Variants in OGDH observed in about 807,000 individuals in gnomAD.
OGDH encodes oxoglutarate dehydrogenase.
In OGDH, 38 loss-of-function variants were observed where a neutral mutation model predicts 116.6. That is an observed-to-expected ratio of 0.33 (90% CI 0.25 to 0.43). The LOEUF is 0.43. OGDH is among the 20% of genes least tolerant of loss of function. OGDH has a pLI of 1.00. For synonymous variants in OGDH, 488 were observed against 533.3 expected (o/e 0.92, Z 1.17); for missense variants, 825 against 1,357.2 (o/e 0.61, Z 6.16).
At chr7:44,675,608 T>C (rs1787656302) in intron 8 of OGDH, among the ~76,000 whole-genome samples, 1 of 152,156 alleles carries the variant, frequency 6.6e-6, no homozygotes, top group African/African-American at 2.4e-5. Flanking sequence ...CTGGGCATGG[T>C]GGCTCACATC....
Position 44,696,043 on chromosome 7 carries a change from G to C in OGDH, c.1687G>C (p.Asp563His). 1 of 1,610,396 alleles carries C rather than the reference G, an allele frequency of 6.2e-7. No individual in the cohort carries two copies. Among genetic ancestry groups the C allele is most frequent in the Non-Finnish European group, 8.5e-7 (1 of 1,176,694 alleles). ...CCTCCAGGAGGAAATTTCCAAGTAT[G>C]ATAAGATCTGTGAGGAAGCTTTTGC... The part of the protein sequence containing the change: ...PEYEEEISKY[D>H]KICEEAFARS... Residue 563 changes from aspartate to histidine, a missense_variant, in exon 13 of 23, where the codon GAT becomes CAT. Physicochemically the swap from Asp to His is moderately conservative, Grantham distance 81. This residue lies in a region of OGDH where 146 missense variants were observed against 317.3 expected (regional missense o/e 0.46). Coordinates refer to ENST00000222673, the MANE Select transcript of OGDH (RefSeq NM_002541.4).
At chr7:44,647,612 G>A (rs1444017350) in intron 3 of OGDH, 45 bp from the exon 4 acceptor site, 2 of 1,570,834 alleles carry the variant, frequency 1.3e-6, no homozygotes, top group African/African-American at 1.4e-5. Flanking sequence ...TTTTTCTTCT[G>A]TCCTTTTGTG....
intron 2 of OGDH, among the ~76,000 whole-genome samples, chr7:44,626,698 G>A (rs1785221664): frequency 6.6e-6 from 1 of 152,194 alleles, no homozygotes; most frequent in South Asian, 2.1e-4. Flanking sequence ...TGCTCCTGCT[G>A]GAAGCTTTTG....
intron 10 of OGDH, among the ~76,000 whole-genome samples, chr7:44,685,083 G>A (rs1788073312): frequency 6.6e-6 from 1 of 152,012 alleles, no homozygotes; most frequent in African/African-American, 2.4e-5. Context: ...ACCGCTCCTG[G>A]CCTTTTTTCT....
chr7:44,671,485 CGGGCGCGGT>C (rs971417377), intron 5 of OGDH, among the ~76,000 whole-genome samples: 8 of 152,148 alleles, frequency 5.3e-5, no homozygotes, highest in Non-Finnish European at 8.8e-5. Flanking sequence ...CTTAAATAGC[CGGGCGCGGT>C]GGCTCACGCC....
chr7:44,642,020 C>CT (rs1279265733), intron 2 of OGDH, among the ~76,000 whole-genome samples: 5 of 152,170 alleles, frequency 3.3e-5, no homozygotes, highest in Non-Finnish European at 7.4e-5. Flanking sequence ...GAGGAGAACA[C>CT]TGAGTTTTCA....
At chr7:44,683,392 C>A (rs1485674702) in intron 10 of OGDH, among the ~76,000 whole-genome samples, 1 of 151,972 alleles carries the variant, frequency 6.6e-6, no homozygotes, top group African/African-American at 2.4e-5. Context: ...CCACTCCTGA[C>A]TAATTTTTTT....
intron 2 of OGDH, among the ~76,000 whole-genome samples, chr7:44,627,961 G>C (rs1052634036): frequency 1.3e-5 from 2 of 152,212 alleles, no homozygotes; most frequent in Non-Finnish European, 2.9e-5. Flanking sequence ...ACAGGCGTGA[G>C]CCACTGCACC....
intron 8 of OGDH, 86 bp from the exon 9 acceptor site, chr7:44,675,884 A>G: frequency 1.3e-6 from 2 of 1,484,008 alleles, no homozygotes; most frequent in Non-Finnish European, 1.8e-6. Flanking sequence ...TCTCAAAAAA[A>G]AAAAAAAAAT....
intron 1 of OGDH, among the ~76,000 whole-genome samples, chr7:44,616,815 ACG>A (rs1402028248): frequency 2.2e-4 from 31 of 140,060 alleles, no homozygotes; most frequent in Middle Eastern, 3.6e-3. Context: ...ATGCATATAT[ACG>A]TATATATGTG....
chr7:44,617,052 C>T (rs921141625), intron 1 of OGDH, among the ~76,000 whole-genome samples: 4 of 149,394 alleles, frequency 2.7e-5, no homozygotes, highest in African/African-American at 4.9e-5. Context: ...CTGCCTCAGC[C>T]TCCCAAGTAG....
Position 44,673,866 on chromosome 7 carries a change from T to C in OGDH, c.713T>C (p.Phe238Ser). The change falls in exon 6 of 23, where the codon TTT (phenylalanine) becomes TCT (serine). Residue 238 changes from phenylalanine to serine, a missense_variant. This residue lies in a region of OGDH where 171 missense variants were observed against 276.8 expected (regional missense o/e 0.62). Coordinates refer to ENST00000222673, the MANE Select transcript of OGDH (RefSeq NM_002541.4). ...LEQCQWIRQK[F>S]ETPGIMQFTN... ...CAGTGCCAGTGGATCCGGCAGAAGT[T>C]TGAGACCCCTGGGATCATGCAGTTC... 6.2e-7 allele frequency: 1 copy of C among 1,614,220 alleles called. No homozygotes were observed.
chr7:44,648,478 G>T (rs1786290944), intron 4 of OGDH, among the ~76,000 whole-genome samples: 1 of 152,144 alleles, frequency 6.6e-6, no homozygotes, highest in South Asian at 2.1e-4. Flanking sequence ...ATGTCACTGT[G>T]CTGCTAACCT....
intron 5 of OGDH, among the ~76,000 whole-genome samples, chr7:44,667,993 G>A (rs1787258902): frequency 6.6e-6 from 1 of 152,190 alleles, no homozygotes; most frequent in African/African-American, 2.4e-5. Context: ...CACCTGGAGA[G>A]CTTACAGAAC....
intron 2 of OGDH, among the ~76,000 whole-genome samples, chr7:44,644,897 T>C (rs1324581230): frequency 6.6e-6 from 1 of 152,150 alleles, no homozygotes; most frequent in Non-Finnish European, 1.5e-5. Flanking sequence ...TTTGCAGACC[T>C]ATAGACAGAA....
chr7:44,678,738 C>G (rs1787804194), intron 9 of OGDH, among the ~76,000 whole-genome samples: 1 of 152,208 alleles, frequency 6.6e-6, no homozygotes, highest in Admixed American at 6.5e-5. Flanking sequence ...TCATTGCAGG[C>G]TCAGCCATCT....
chr7:44,674,590 C>T (rs747669485), intron 7 of OGDH, 33 bp downstream of exon 7: 5 of 1,612,400 alleles, frequency 3.1e-6, no homozygotes, highest in South Asian at 2.2e-5. Flanking sequence ...CCTGGTTTCT[C>T]ACCATCCCTG....
Position 44,707,918 on chromosome 7 carries a change from C to T in OGDH, c.2991C>T (p.Gly997=), listed in dbSNP as rs777086501. 3.1e-6 allele frequency: 5 copies of T among 1,613,766 alleles called. No homozygotes were observed. In the South Asian group the frequency reaches 4.4e-5, roughly 14 times the overall value. ...GRDPAAAPAT[G]NKKTHLTELQ... ...ACCCAGCGGCTGCTCCAGCCACCGG[C>T]AACAAGAAGACCCACCTGACGGAGC... The change falls in exon 23 of 23, where the codon GGC becomes GGT. Residue 997 remains glycine (G), a synonymous_variant. Transcript: ENST00000222673. This position sits in a 1 kb window ranked among gnomAD's most constrained non-coding sequence, Gnocchi z 5.2.
intron 1 of OGDH, among the ~76,000 whole-genome samples, chr7:44,612,126 A>G (rs1187082385): frequency 6.6e-6 from 1 of 152,146 alleles, no homozygotes; most frequent in African/African-American, 2.4e-5. Context: ...GCTTATGAAT[A>G]TCTAACCAGC....
Sources: gnomAD v4.1 joint callset for allele counts (sites outside exome capture counted in the v4.1 genomes callset) on GRCh38, gnomAD v4.1.1 for gene constraint, gnomAD v4.1.1 regional missense constraint, Gnocchi (gnomAD v3.1) non-coding constraint, MANE v1.5 for transcripts, NCBI Gene and HGNC (gene_info 2026-07-23, HGNC 2026-07-21) for gene names.